KBTBD2: variants seen among roughly 807,000 people sequenced by gnomAD.
The protein encoded by KBTBD2 is kelch repeat and BTB domain-containing protein 2.
In KBTBD2, 17 loss-of-function variants were observed where a neutral mutation model predicts 57.1. The ratio of observed to expected loss-of-function variants is 0.30; its 90% CI spans 0.20 to 0.45. The LOEUF is 0.45. Among genes scored for constraint, KBTBD2 ranks in the 20% least tolerant of loss-of-function variants. The probability of loss-of-function intolerance (pLI) is 1.00; values close to 1 mark genes in which losing one functional copy is unlikely to be tolerated. For missense variants in KBTBD2, 515 were observed against 750.6 expected (o/e 0.69, Z 3.67); for synonymous variants, 267 against 262.7 (o/e 1.02, Z -0.16).
chr7:32,874,776 G>A (rs1349912641), intron 3 of KBTBD2: 14 of 375,006 alleles, frequency 3.7e-5, no homozygotes, highest in African/African-American at 8.3e-5. Flanking sequence ...GGTGGATCAC[G>A]AGGTCAGGAG....
intron 1 of KBTBD2, among the ~76,000 whole-genome samples, chr7:32,880,164 A>G (rs141015389): frequency 6.6e-5 from 10 of 152,354 alleles, no homozygotes; most frequent in Non-Finnish European, 1.5e-4. Flanking sequence ...TTTGCCTTCT[A>G]TACAAAATAT....
At chr7:32,891,878 G>GCCGCCCCCGCCC (rs1427683140), upstream of KBTBD2, 1 of 100,534 alleles carries the variant, frequency 9.9e-6, no homozygotes, top group East Asian at 3.6e-4. Context: ...CGCCGGGCCC[G>GCCGCCCCCGCCC]CCGCCCCCGC....
intron 2 of KBTBD2, among the ~76,000 whole-genome samples, chr7:32,875,599 G>A (rs929670869): frequency 6.6e-6 from 1 of 152,076 alleles, no homozygotes; most frequent in Non-Finnish European, 1.5e-5. Flanking sequence ...AGACAGATAA[G>A]AATAAAATCC....
In KBTBD2 at chr7:32,869,190, A is replaced by G; in HGVS notation, c.*155T>C. On this transcript the variant is annotated 3_prime_UTR_variant, in exon 4 of 4. Coordinates refer to ENST00000304056, the MANE Select transcript of KBTBD2 (RefSeq NM_015483.3). ...CTTTCTGTAAGACTCACTGATATAT[A>G]TTATACTGATGCAAATATTAAGTAG... The G allele has an allele frequency of 1.7e-6, 1 of 591,806 alleles. No homozygotes were observed. The highest frequency in any genetic ancestry group is 2.7e-4 in the Middle Eastern group (1 of 3,648). The allele number at this position is 591,806 out of a possible 1,614,324, so 36.7% of individuals were successfully genotyped here.
intron 2 of KBTBD2, among the ~76,000 whole-genome samples, chr7:32,878,742 G>A (rs1359901344): frequency 1.3e-5 from 2 of 152,050 alleles, no homozygotes; most frequent in East Asian, 1.9e-4. Flanking sequence ...TTACCTAAAA[G>A]CAAAGAACAA....
intron 2 of KBTBD2, among the ~76,000 whole-genome samples, chr7:32,875,787 C>T (rs1784299060): frequency 6.6e-6 from 1 of 152,022 alleles, no homozygotes; most frequent in Admixed American, 6.6e-5. Context: ...AAAGAAGCCA[C>T]ACACAAAAAA....
intron 3 of KBTBD2, among the ~76,000 whole-genome samples, chr7:32,873,523 C>T (rs2127949648): frequency 6.6e-6 from 1 of 152,010 alleles, no homozygotes; most frequent in South Asian, 2.1e-4. Context: ...CATTTGATGG[C>T]AGGAGTTCCA....
In KBTBD2 at chr7:32,869,217, G is replaced by A. The variant is rs897801774; in HGVS notation, c.*128C>T. On this transcript the variant is annotated 3_prime_UTR_variant, in exon 4 of 4. Transcript: ENST00000304056. ...TATACTGATGCAAATATTAAGTAGG[G>A]CATAAAAATAAAATTTATCAAAGAT... 2 of 627,872 alleles carry A rather than the reference G, an allele frequency of 3.2e-6. No homozygotes were observed. The highest frequency in any genetic ancestry group is 2.7e-6 in the Non-Finnish European group (1 of 365,060). The allele number at this position is 627,872 out of a possible 1,614,324, so 38.9% of individuals were successfully genotyped here.
chr7:32,879,077 A>G (rs1211293043), intron 2 of KBTBD2, among the ~76,000 whole-genome samples: 2 of 152,210 alleles, frequency 1.3e-5, no homozygotes, highest in African/African-American at 4.8e-5. Context: ...ATTTGAGCCT[A>G]TAACTTGTCA....
chr7:32,871,232 A>C (rs1784170145), intron 3 of KBTBD2, among the ~76,000 whole-genome samples: 1 of 152,228 alleles, frequency 6.6e-6, no homozygotes, highest in Non-Finnish European at 1.5e-5. Context: ...CTATATGAAA[A>C]AATGTAAATA....
At chr7:32,880,601 T>C (rs1784422846) in intron 1 of KBTBD2, among the ~76,000 whole-genome samples, 1 of 151,496 alleles carries the variant, frequency 6.6e-6, no homozygotes, top group African/African-American at 2.4e-5. Flanking sequence ...CCCAGAAAAC[T>C]CCATATTACA....
intron 3 of KBTBD2, among the ~76,000 whole-genome samples, chr7:32,874,119 C>T (rs559060655): frequency 4.0e-5 from 6 of 151,170 alleles, no homozygotes; most frequent in African/African-American, 1.5e-4. Flanking sequence ...AAATATTGGC[C>T]CAGGGAGTGG....
intron 2 of KBTBD2, 68 bp downstream of exon 2, chr7:32,879,367 G>A: frequency 2.5e-6 from 3 of 1,204,282 alleles, no homozygotes; most frequent in Admixed American, 2.4e-5. Flanking sequence ...CAAAAATTGA[G>A]ATGTGGCTTT....
chr7:32,889,866 T>G (rs1784685832), intron 1 of KBTBD2, among the ~76,000 whole-genome samples: 1 of 152,244 alleles, frequency 6.6e-6, no homozygotes, highest in South Asian at 2.1e-4. Flanking sequence ...CTTTTAAGAC[T>G]GCATTCAAGT....
chr7:32,869,580 C>T lies in KBTBD2; in HGVS notation c.1637G>A (p.Arg546Gln), dbSNP rs1310970811. Reference sequence around the variant, plus strand: ...ATATTGGTAGGTGACGTATTTAGCTCGCTCATTTAAGTGGGTTTCTCGCAT... The same window carrying T: ...ATATTGGTAGGTGACGTATTTAGCTTGCTCATTTAAGTGGGTTTCTCGCAT... ...VFMRETHLNE[R>Q]AKYVTYQYDL... The change falls in exon 4 of 4, where the codon CGA becomes CAA. Residue 546 changes from arginine (R) to glutamine (Q), a missense_variant. Coordinates refer to ENST00000304056, the MANE Select transcript of KBTBD2 (RefSeq NM_015483.3). The T allele has an allele frequency of 4.3e-6, 7 of 1,613,996 alleles. No homozygotes were observed. Among genetic ancestry groups the T allele is most frequent in the African/African-American group, 1.3e-5 (1 of 74,920 alleles).
intron 3 of KBTBD2, among the ~76,000 whole-genome samples, chr7:32,873,234 T>A (rs1460863685): frequency 6.6e-6 from 1 of 152,124 alleles, no homozygotes; most frequent in Non-Finnish European, 1.5e-5. Context: ...TTGTCATACA[T>A]AAATATATCA....
chr7:32,889,786 A>C (rs1784683293), intron 1 of KBTBD2, among the ~76,000 whole-genome samples: 1 of 152,214 alleles, frequency 6.6e-6, no homozygotes, highest in South Asian at 2.1e-4. Context: ...ATGTGGGCAA[A>C]GAGAAGAGGG....
rs1784280371 is a variant in KBTBD2, at chr7:32,875,109, G to A, written c.219C>T (p.His73=). 1 of 1,614,140 alleles carries A rather than the reference G, an allele frequency of 6.2e-7. No homozygotes were observed. Residue 73 remains histidine (H), a synonymous_variant, in exon 3 of 4, where the codon CAC becomes CAT. Transcript: ENST00000304056. ...GLSESKQTHV[H]LRNVDAATLQ... ...AGGTGGCAGCATCGACATTCCTCAG[G>A]TGTACATGGGTTTGTTTGCTTTCAC... is the stretch of plus-strand genomic sequence containing the variant.
intron 2 of KBTBD2, among the ~76,000 whole-genome samples, chr7:32,876,495 G>A (rs936215014): frequency 6.6e-6 from 1 of 152,190 alleles, no homozygotes. Flanking sequence ...AGGGTTTCAA[G>A]TCTGAATTTA....
Sources: allele counts gnomAD v4.1 joint callset (sites outside exome capture counted in the v4.1 genomes callset), GRCh38; gene constraint gnomAD v4.1.1; transcripts MANE v1.5; gene names NCBI Gene and HGNC (gene_info 2026-07-23, HGNC 2026-07-21).